PHLDB2: variants seen among roughly 807,000 people sequenced by gnomAD.
PHLDB2 encodes the protein pleckstrin homology like domain family B member 2, also known as pleckstrin homology-like domain family B member 2.
A neutral mutation model predicts 123.6 loss-of-function variants in PHLDB2; 71 were observed. The ratio of observed to expected loss-of-function variants is 0.57; its 90% confidence interval spans 0.47 to 0.70. The LOEUF is 0.70. Ranked by LOEUF, PHLDB2 falls within the 30% of genes least tolerant of loss-of-function variation. The pLI is 0.00. For missense variants in PHLDB2, 1,446 were observed against 1,519.5 expected, an observed-to-expected ratio of 0.95 and a Z score of 0.80; for synonymous variants, 547 against 541.6, an observed-to-expected ratio of 1.01 and a Z score of -0.14.
intron 1 of PHLDB2, among the ~76,000 whole-genome samples, chr3:111,768,182 G>A (rs4682304): frequency 0.87 from 131,536 of 152,030 alleles, 57,817 homozygotes; most frequent in East Asian, 1. Context: ...ACCCAATTTC[G>A]TTTTAGGTGA....
chr3:111,762,231 T>C (rs2060008384), intron 1 of PHLDB2, among the ~76,000 whole-genome samples: 1 of 152,212 alleles, frequency 6.6e-6, no homozygotes, highest in Non-Finnish European at 1.5e-5. Flanking sequence ...ACACAATTGA[T>C]CTCAGAGGAC....
chr3:111,966,487 C>G (rs2071764409), intron 13 of PHLDB2, 126 bp from the exon 14 acceptor site: 3 of 500,110 alleles, frequency 6.0e-6, no homozygotes, highest in Non-Finnish European at 1.0e-5. Flanking sequence ...TTGTTATGCA[C>G]CTCCCTTGAC....
chr3:111,751,861 A>G (rs1342608834), intron 1 of PHLDB2, among the ~76,000 whole-genome samples: 1 of 152,110 alleles, frequency 6.6e-6, no homozygotes, highest in Non-Finnish European at 1.5e-5. Context: ...TTTTTAAAAA[A>G]GAGAGATTTT....
At chr3:111,929,848 C>G (rs568989232) in intron 5 of PHLDB2, among the ~76,000 whole-genome samples, 2 of 152,024 alleles carry the variant, frequency 1.3e-5, no homozygotes, top group East Asian at 3.9e-4. Context: ...TCTAGATGCC[C>G]CCTTGTATGA....
At chr3:111,781,780 G>C (rs541429592) in intron 1 of PHLDB2, among the ~76,000 whole-genome samples, 2 of 152,116 alleles carry the variant, frequency 1.3e-5, no homozygotes, top group Admixed American at 6.6e-5. Flanking sequence ...AGCATAGTAA[G>C]TACAGTTTGG....
At chr3:111,739,024 T>C (rs1178018477) in intron 1 of PHLDB2, among the ~76,000 whole-genome samples, 1 of 152,202 alleles carries the variant, frequency 6.6e-6, no homozygotes, top group Non-Finnish European at 1.5e-5. Context: ...ATTTTCAAAA[T>C]GGAGGCAGGG....
chr3:111,854,347 C>A (rs1488538969), upstream of PHLDB2, among the ~76,000 whole-genome samples: 1 of 152,196 alleles, frequency 6.6e-6, no homozygotes, highest in Non-Finnish European at 1.5e-5. Flanking sequence ...AGCAAAGGGG[C>A]TGAATCAGGG....
chr3:111,773,117 T>C lies in PHLDB2; in HGVS notation c.-49+40414T>C, dbSNP rs371455892. On this transcript the variant is annotated intron_variant, in intron 1 of 17. Transcript: ENST00000393923. ...GTAAAGGTCTAAGAACCAGTCCTTATTGAAACAGACAAACAGGAATCTCAG... is the reference window on the plus strand; with the variant it reads ...GTAAAGGTCTAAGAACCAGTCCTTACTGAAACAGACAAACAGGAATCTCAG... 2.8e-4 allele frequency among the ~76,000 whole-genome samples: 42 copies of C among 152,326 alleles called. No individual in the cohort carries two copies. The East Asian group carries it at 7.3e-3, about 27-fold the overall frequency.
At chr3:111,769,223 T>A (rs1272652421) in intron 1 of PHLDB2, among the ~76,000 whole-genome samples, 1 of 152,186 alleles carries the variant, frequency 6.6e-6, no homozygotes, top group Non-Finnish European at 1.5e-5. Context: ...AGGATTGGCC[T>A]ATGAAAGAAG....
In PHLDB2 at chr3:111,834,213, TAGAATTA is replaced by T. The variant is rs1559858198; in HGVS notation, c.-48-11607_-48-11601del. Reference sequence around the variant, plus strand: ...ATATGTAATAGAATTATATATGTAATAGAATTATATATATATTATGTATATAATAGAA... The same window carrying T: ...ATATGTAATAGAATTATATATGTAATTATATATATTATGTATATAATAGAA... On this transcript the variant is annotated intron_variant, in intron 1 of 17. Coordinates refer to the PHLDB2 transcript ENST00000393923. 2.0e-4 allele frequency among the ~76,000 whole-genome samples: 8 copies of T among 40,546 alleles called. 1 individual carries two copies. In the East Asian group the frequency reaches 6.8e-3, roughly 34 times the overall value. The allele number at this position is 40,546 out of a possible 152,430, so 26.6% of individuals were successfully genotyped here.
intron 2 of PHLDB2, among the ~76,000 whole-genome samples, chr3:111,902,642 T>C (rs1459968804): frequency 6.7e-6 from 1 of 148,338 alleles, no homozygotes; most frequent in African/African-American, 2.5e-5. Flanking sequence ...ATTTATTCAG[T>C]TTTTTTTTTC....
chr3:111,883,489 C>G (rs2066032236), intron 1 of PHLDB2, among the ~76,000 whole-genome samples: 1 of 152,200 alleles, frequency 6.6e-6, no homozygotes, highest in African/African-American at 2.4e-5. Flanking sequence ...CCTCTGATGA[C>G]TAAAGGAGCT....
At chr3:111,826,117 C>A (rs986462988) in intron 1 of PHLDB2, among the ~76,000 whole-genome samples, 4 of 151,892 alleles carry the variant, frequency 2.6e-5, no homozygotes, top group Non-Finnish European at 4.4e-5. Flanking sequence ...ACCTGGCCAA[C>A]ATGGTGAAAC....
At chr3:111,831,064 T>G (rs966153945) in intron 1 of PHLDB2, among the ~76,000 whole-genome samples, 28 of 130,454 alleles carry the variant, frequency 2.1e-4, no homozygotes, top group South Asian at 5.0e-4. Context: ...AAGAGAGAGA[T>G]AGAGAGAAAA....
Position 111,952,722 on chromosome 3 carries a change from G to T in PHLDB2, c.2772+10G>T, listed in dbSNP as rs759822289. On this transcript the variant is annotated intron_variant, in intron 11 of 17. Transcript: ENST00000431670. ...AAGCATCACCCCAAAGGTAGGACCTGGGAGAAACCACGGGCTTCCCATTCC... is the reference window on the plus strand; with the variant it reads ...AAGCATCACCCCAAAGGTAGGACCTTGGAGAAACCACGGGCTTCCCATTCC... 6.2e-7 allele frequency: 1 copy of T among 1,606,288 alleles called. No homozygotes were observed. Among genetic ancestry groups the T allele is most frequent in the Non-Finnish European group, 8.5e-7 (1 of 1,178,024 alleles).
At chr3:111,786,893 C>G (rs7637873) in intron 1 of PHLDB2, among the ~76,000 whole-genome samples, 7,290 of 152,214 alleles carry the variant, frequency 0.048, 593 homozygotes, top group African/African-American at 0.17. Context: ...TTAATAAACT[C>G]TGGCTGTCTC....
intron 1 of PHLDB2, among the ~76,000 whole-genome samples, chr3:111,746,109 A>G (rs1442268522): frequency 1.3e-5 from 2 of 152,212 alleles, no homozygotes; most frequent in Non-Finnish European, 2.9e-5. Flanking sequence ...CAAAAGTTGG[A>G]TGTGAGGTTT....
At chr3:111,859,762 C>T in intron 1 of PHLDB2, 186 bp downstream of exon 1, 1 of 985,054 alleles carries the variant, frequency 1.0e-6, no homozygotes, top group Non-Finnish European at 1.2e-6. Flanking sequence ...GACTGCTCAC[C>T]GCGAGTCAGG....
intron 1 of PHLDB2, among the ~76,000 whole-genome samples, chr3:111,738,035 G>A (rs1044535532): frequency 6.6e-6 from 1 of 152,060 alleles, no homozygotes; most frequent in African/African-American, 2.4e-5. Flanking sequence ...TGTGACCCAA[G>A]GAAAGCCAAT....
Sources: gnomAD v4.1 joint callset for allele counts (sites outside exome capture counted in the v4.1 genomes callset) on GRCh38, gnomAD v4.1.1 for gene constraint, MANE v1.5 for transcripts, NCBI Gene and HGNC (gene_info 2026-07-23, HGNC 2026-07-21) for gene names.